The following LAMC1 variants were observed in gnomAD, a reference collection of about 807,000 sequenced individuals.
LAMC1 encodes the protein laminin subunit gamma-1.
LAMC1 carries 38 observed loss-of-function variants against 173.6 expected under a neutral mutation model. That is an observed-to-expected ratio of 0.22 (90% CI 0.17 to 0.29). The LOEUF (loss-of-function observed/expected upper bound fraction) is 0.29. Ranked by LOEUF, LAMC1 falls within the 10% of genes least tolerant of loss-of-function variation. The pLI is 1.00. For missense variants in LAMC1, 1,824 were observed against 2,051.8 expected, an observed-to-expected ratio of 0.89 and a Z score of 2.14; for synonymous variants, 746 against 749.1, an observed-to-expected ratio of 1.00 and a Z score of 0.07.
At chr1:183,122,356 A>G in intron 13 of LAMC1, 105 bp downstream of exon 13, 1 of 1,078,304 alleles carries the variant, frequency 9.3e-7, no homozygotes, top group Admixed American at 2.2e-5. Context: ...GTTCAGTTTC[A>G]GTGGTTATGG....
intron 1 of LAMC1, among the ~76,000 whole-genome samples, chr1:183,039,895 G>T (rs1370923713): frequency 6.6e-6 from 1 of 152,194 alleles, no homozygotes; most frequent in East Asian, 1.9e-4. Context: ...CCTGGGGAAA[G>T]GTAGGTATCT....
At chr1:183,048,595 T>C (rs983693063) in intron 1 of LAMC1, among the ~76,000 whole-genome samples, 4 of 152,246 alleles carry the variant, frequency 2.6e-5, no homozygotes, top group Non-Finnish European at 1.5e-5. Context: ...GTGTATTTCC[T>C]TTTAACTTCT....
At chr1:183,080,980 C>G (rs148995376) in intron 1 of LAMC1, among the ~76,000 whole-genome samples, 60 of 152,266 alleles carry the variant, frequency 3.9e-4, no homozygotes, top group African/African-American at 1.4e-3. Context: ...CCCCCATCTT[C>G]TGGTTTCAAA....
At chr1:183,031,846 C>T (rs907456631) in intron 1 of LAMC1, among the ~76,000 whole-genome samples, 1 of 151,484 alleles carries the variant, frequency 6.6e-6, no homozygotes, top group Non-Finnish European at 1.5e-5. Flanking sequence ...TGGTTGCTTG[C>T]TATAAGACTT....
At chr1:183,096,493 T>C (rs1655696932) in intron 1 of LAMC1, 1 of 152,230 alleles carries the variant, frequency 6.6e-6, no homozygotes. Context: ...CTGTTCATCT[T>C]AGTTAGCGTG....
chr1:183,050,185 C>G lies in LAMC1; in HGVS notation c.418+26051C>G, dbSNP rs546246890. ...TAGTGTTGTCTCTATTTAACCCTAT[C>G]TCTTATTAGAAATTACTTCTACATT... On this transcript the variant is annotated intron_variant, in intron 1 of 27. Transcript: ENST00000258341. 4.0e-5 allele frequency among the ~76,000 whole-genome samples: 6 copies of G among 151,504 alleles called. No homozygotes were observed. The East Asian group carries it at 1.2e-3, about 30-fold the overall frequency.
chr1:183,056,463 C>T (rs1234776351), intron 1 of LAMC1, among the ~76,000 whole-genome samples: 1 of 152,150 alleles, frequency 6.6e-6, no homozygotes, highest in Non-Finnish European at 1.5e-5. Flanking sequence ...CCACCAGTCA[C>T]GTCCCACTGT....
At chr1:183,116,129 CAA>C (rs10689019) in intron 6 of LAMC1, among the ~76,000 whole-genome samples, 3 of 127,388 alleles carry the variant, frequency 2.4e-5, no homozygotes, top group Non-Finnish European at 3.3e-5. Flanking sequence ...GACTCTGTCT[CAA>C]AAAAAAAAAA....
intron 1 of LAMC1, among the ~76,000 whole-genome samples, chr1:183,061,922 C>T (rs1654753620): frequency 6.6e-6 from 1 of 152,210 alleles, no homozygotes; most frequent in Admixed American, 6.5e-5. Flanking sequence ...ATTAAATTCT[C>T]ACTGTACGTC....
At chr1:183,101,269 TTAGA>T (rs1216917677) in intron 1 of LAMC1, among the ~76,000 whole-genome samples, 1 of 152,052 alleles carries the variant, frequency 6.6e-6, no homozygotes, top group East Asian at 1.9e-4. Context: ...CTGTAATGTC[TTAGA>T]TAGTGAGTCT....
intron 1 of LAMC1, among the ~76,000 whole-genome samples, chr1:183,101,758 CCCCAT>C (rs1341238539): frequency 2.6e-5 from 4 of 152,068 alleles, no homozygotes; most frequent in African/African-American, 9.7e-5. Context: ...TCTCAAAATG[CCCCAT>C]CCTGTGTTCT....
rs1399062559 is a variant in LAMC1, at chr1:183,030,513, TCAAAG to T, written c.418+6384_418+6388del. Among the ~76,000 whole-genome samples the T allele has an allele frequency of 2.6e-5, 4 of 152,354 alleles. No individual in the cohort carries two copies. The East Asian group carries it at 5.8e-4, about 22-fold the overall frequency. The stretch of plus-strand genomic sequence containing the variant: ...AACATTGAACATTAACTTAAATTCT[TCAAAG>T]CAAAACTTTTGAGCTTGTGTTTATT... On this transcript the variant is annotated intron_variant, in intron 1 of 27. Coordinates refer to ENST00000258341, the MANE Select transcript of LAMC1 (RefSeq NM_002293.4).
At chr1:183,132,378 AT>A in intron 20 of LAMC1, 21 bp from the exon 21 acceptor site, 1 of 1,589,002 alleles carries the variant, frequency 6.3e-7, no homozygotes. Context: ...TTCATGGCTT[AT>A]TTTTTGTTTT....
chr1:183,130,265 C>T (rs1396018319), intron 18 of LAMC1, 79 bp from the exon 19 acceptor site: 1 of 1,253,626 alleles, frequency 8.0e-7, no homozygotes, highest in Non-Finnish European at 1.2e-6. Flanking sequence ...AGTAGAGATA[C>T]ATAGGGCCTC....
chr1:183,099,627 A>G (rs919791308), intron 1 of LAMC1, among the ~76,000 whole-genome samples: 2 of 151,736 alleles, frequency 1.3e-5, no homozygotes, highest in Non-Finnish European at 2.9e-5. Context: ...CTCCTCTGTC[A>G]TCTTCCTCTG....
chr1:183,063,717 A>G (rs905027132), intron 1 of LAMC1, among the ~76,000 whole-genome samples: 19 of 152,228 alleles, frequency 1.2e-4, no homozygotes, highest in African/African-American at 3.6e-4. Flanking sequence ...TGTCTCATCA[A>G]TTCCATTTGA....
chr1:183,133,332 C>A, intron 21 of LAMC1, 74 bp from the exon 22 acceptor site: 1 of 1,290,364 alleles, frequency 7.7e-7, no homozygotes, highest in South Asian at 1.6e-5. Flanking sequence ...ATCACATGAT[C>A]ATGTTAATCT....
intron 1 of LAMC1, among the ~76,000 whole-genome samples, chr1:183,065,556 C>T (rs1654855883): frequency 6.6e-6 from 1 of 152,230 alleles, no homozygotes; most frequent in South Asian, 2.1e-4. Context: ...TTACTCAGAG[C>T]CTACTGATTT....
intron 1 of LAMC1, among the ~76,000 whole-genome samples, chr1:183,088,210 C>T (rs1461764035): frequency 1.3e-5 from 2 of 152,222 alleles, no homozygotes; most frequent in Non-Finnish European, 2.9e-5. Flanking sequence ...AAGGCATCAT[C>T]ATAAGCTCTA....
Sources: gnomAD v4.1 joint callset for allele counts (sites outside exome capture counted in the v4.1 genomes callset) on GRCh38, gnomAD v4.1.1 for gene constraint, MANE v1.5 for transcripts, NCBI Gene and HGNC (gene_info 2026-07-23, HGNC 2026-07-21) for gene names.